The following MCC variants were observed in gnomAD, a reference collection of about 807,000 sequenced individuals.
MCC encodes the protein colorectal mutant cancer protein.
MCC carries 90 observed loss-of-function variants against 116.2 expected under a neutral mutation model. The observed-to-expected ratio is 0.77, with a 90% CI of 0.65 to 0.92. The LOEUF is 0.92. MCC is among the 40% of genes least tolerant of loss of function. The pLI is 0.00. For synonymous variants in MCC, 578 were observed against 510.5 expected, an observed-to-expected ratio of 1.13 and a Z score of -1.78; for missense variants, 1,516 against 1,312.2, an observed-to-expected ratio of 1.16 and a Z score of -2.40.
intron 4 of MCC, among the ~76,000 whole-genome samples, chr5:113,144,041 C>T (rs1365951170): frequency 1.3e-5 from 2 of 152,188 alleles, no homozygotes; most frequent in Non-Finnish European, 2.9e-5. Flanking sequence ...TTTAGCCTAG[C>T]ACCGGCAAAT....
chr5:113,118,273 A>T (rs1349651016), intron 6 of MCC, among the ~76,000 whole-genome samples: 1 of 152,172 alleles, frequency 6.6e-6, no homozygotes, highest in Admixed American at 6.5e-5. Flanking sequence ...TAAAAATTCT[A>T]AGCAATAACT....
At chr5:113,214,110 C>G (rs192858883) in intron 3 of MCC, among the ~76,000 whole-genome samples, 1 of 152,310 alleles carries the variant, frequency 6.6e-6, no homozygotes, top group African/African-American at 2.4e-5. Context: ...TACAAGGTCA[C>G]GCACAATGGT....
In MCC at chr5:113,049,195, C is replaced by T; in HGVS notation, c.2553G>A (p.Leu851=). ...CGGACTTCAGGTGCTCAATGTGCAC[C>T]AGGTAGGCCTGCTCCTGGGCCTCCC... ...STREAQEQAY[L]VHIEHLKSEV... Residue 851 remains leucine, a synonymous_variant, in exon 16 of 19, where the codon CTG becomes CTA. Coordinates refer to ENST00000408903, the MANE Select transcript of MCC (RefSeq NM_001085377.2). 1 of 1,614,178 alleles carries T rather than the reference C, an allele frequency of 6.2e-7. No individual in the cohort carries two copies. Among genetic ancestry groups the T allele is most frequent in the Non-Finnish European group, 8.5e-7 (1 of 1,180,032 alleles).
chr5:113,066,059 G>A (rs1423356802), intron 13 of MCC, among the ~76,000 whole-genome samples: 1 of 152,220 alleles, frequency 6.6e-6, no homozygotes. Flanking sequence ...AATTAGGCAT[G>A]ACATTACTTA....
chr5:113,414,158 CT>C (rs1357346303), intron 1 of MCC, among the ~76,000 whole-genome samples: 4 of 152,078 alleles, frequency 2.6e-5, no homozygotes, highest in Non-Finnish European at 5.9e-5. Context: ...GATTTCTGTT[CT>C]TTTACATTTA....
rs1329513251 is a variant in MCC at position 113,071,283 on chromosome 5, C to T, written c.1785-49G>A. 3.8e-6 allele frequency: 6 copies of T among 1,585,806 alleles called. No individual in the cohort carries two copies. In the African/African-American group the frequency reaches 5.4e-5, roughly 14 times the overall value. ...TCACACTAGGGTTACAGTTAATTTGCCAATATTTCAGTTGTCTCATTTATA... is the reference window on the plus strand; with the variant it reads ...TCACACTAGGGTTACAGTTAATTTGTCAATATTTCAGTTGTCTCATTTATA... On this transcript the variant is annotated intron_variant, in intron 11 of 18. Coordinates refer to ENST00000408903, the MANE Select transcript of MCC (RefSeq NM_001085377.2).
At chr5:113,119,497 G>C (rs1039563208) in intron 6 of MCC, among the ~76,000 whole-genome samples, 3 of 152,198 alleles carry the variant, frequency 2.0e-5, no homozygotes, top group Non-Finnish European at 4.4e-5. Context: ...CAGGAGGCCA[G>C]AGTGGCTGCA....
At chr5:113,255,655 C>A (rs758796156) in intron 3 of MCC, among the ~76,000 whole-genome samples, 1 of 152,180 alleles carries the variant, frequency 6.6e-6, no homozygotes, top group Non-Finnish European at 1.5e-5. Flanking sequence ...AAGACCAAAT[C>A]TTTTACCTTC....
intron 3 of MCC, among the ~76,000 whole-genome samples, chr5:113,251,227 C>G (rs1293857000): frequency 1.3e-5 from 2 of 152,206 alleles, no homozygotes; most frequent in South Asian, 4.1e-4. Context: ...ATATTTACAT[C>G]AATCTGGCCA....
chr5:113,191,418 A>C (rs1762145192), intron 3 of MCC, among the ~76,000 whole-genome samples: 1 of 152,152 alleles, frequency 6.6e-6, no homozygotes, highest in Admixed American at 6.5e-5. Context: ...CATTGTGGGG[A>C]AACTGGCCCT....
intron 3 of MCC, among the ~76,000 whole-genome samples, chr5:113,172,045 T>A (rs1020522995): frequency 1.1e-4 from 17 of 152,198 alleles, no homozygotes; most frequent in Non-Finnish European, 1.3e-4. Context: ...AACTGTTATG[T>A]AGGGGAAGGA....
intron 1 of MCC, among the ~76,000 whole-genome samples, chr5:113,438,973 C>G (rs1303996950): frequency 6.6e-6 from 1 of 152,146 alleles, no homozygotes; most frequent in African/African-American, 2.4e-5. Context: ...TGGGCAGGAT[C>G]CCCTGGCTGG....
intron 8 of MCC, among the ~76,000 whole-genome samples, chr5:113,090,080 T>TG (rs1358076880): frequency 6.6e-6 from 1 of 152,110 alleles, no homozygotes; most frequent in African/African-American, 2.4e-5. Context: ...ATGCTGGGCA[T>TG]GGATAAGGTC....
chr5:113,487,895 T>C (rs1201802428), intron 1 of MCC, among the ~76,000 whole-genome samples: 1 of 152,162 alleles, frequency 6.6e-6, no homozygotes, highest in Non-Finnish European at 1.5e-5. Flanking sequence ...ACCCCGAGGC[T>C]GTGGGGCAGC....
At chr5:113,062,001 T>G (rs1175931583) in intron 14 of MCC, among the ~76,000 whole-genome samples, 1 of 152,256 alleles carries the variant, frequency 6.6e-6, no homozygotes, top group Non-Finnish European at 1.5e-5. Context: ...AGCAGTCTAA[T>G]TGCATCAGGT....
At chr5:113,417,538 C>T (rs1436601308) in intron 1 of MCC, among the ~76,000 whole-genome samples, 3 of 115,624 alleles carry the variant, frequency 2.6e-5, no homozygotes, top group African/African-American at 9.5e-5. Context: ...AAAGCCACAA[C>T]CATGACAAAC....
chr5:113,377,791 TA>T (rs1769021737), intron 2 of MCC, among the ~76,000 whole-genome samples: 2 of 152,340 alleles, frequency 1.3e-5, no homozygotes, highest in South Asian at 4.1e-4. Context: ...CAATAGAATG[TA>T]AAATGGTACC....
intron 1 of MCC, among the ~76,000 whole-genome samples, chr5:113,409,088 T>A (rs1023657876): frequency 3.3e-5 from 5 of 152,188 alleles, no homozygotes; most frequent in African/African-American, 1.2e-4. Context: ...TAGGCTGGAA[T>A]AGAAGGACCA....
At chr5:113,268,584 C>A (rs1401145048) in intron 3 of MCC, among the ~76,000 whole-genome samples, 1 of 152,132 alleles carries the variant, frequency 6.6e-6, no homozygotes, top group Non-Finnish European at 1.5e-5. Flanking sequence ...CTGTGCCCTG[C>A]CCCTCCATCC....
Sources: gnomAD v4.1 joint callset for allele counts (sites outside exome capture counted in the v4.1 genomes callset) on GRCh38, gnomAD v4.1.1 for gene constraint, MANE v1.5 for transcripts, NCBI Gene and HGNC (gene_info 2026-07-23, HGNC 2026-07-21) for gene names.